Variants in SYNPO2 observed in about 807,000 individuals in gnomAD.
SYNPO2 encodes the protein synaptopodin-2.
A neutral mutation model predicts 85.0 loss-of-function variants in SYNPO2; 56 were observed. The ratio of observed to expected loss-of-function variants is 0.66; its 90% confidence interval spans 0.53 to 0.82. SYNPO2 has a LOEUF of 0.82. Among genes scored for constraint, SYNPO2 ranks in the 40% least tolerant of loss-of-function variants. The probability of loss-of-function intolerance (pLI) is 0.00; values close to 1 mark genes in which losing one functional copy is unlikely to be tolerated. For synonymous variants in SYNPO2, 602 were observed against 591.1 expected (o/e 1.02, Z -0.27); for missense variants, 1,575 against 1,534.2 (o/e 1.03, Z -0.44).
At chr4:118,956,998 T>G (rs979340314) in intron 1 of SYNPO2, among the ~76,000 whole-genome samples, 2 of 151,524 alleles carry the variant, frequency 1.3e-5, no homozygotes, top group Non-Finnish European at 2.9e-5. Context: ...TGAGCTGAGA[T>G]TGCACCAGTA....
upstream of SYNPO2, among the ~76,000 whole-genome samples, chr4:118,886,948 C>T (rs1346284528): frequency 1.3e-5 from 2 of 151,976 alleles, no homozygotes; most frequent in Non-Finnish European, 2.9e-5. Context: ...TTCATTGTAC[C>T]ACAGGTCCTT....
At chr4:118,982,369 C>G (rs1345468206) in intron 1 of SYNPO2, among the ~76,000 whole-genome samples, 1 of 152,148 alleles carries the variant, frequency 6.6e-6, no homozygotes, top group African/African-American at 2.4e-5. Context: ...TCTTCATAAC[C>G]CTCTCGGATG....
intron 1 of SYNPO2, among the ~76,000 whole-genome samples, chr4:118,957,787 G>A (rs1057278397): frequency 9.2e-5 from 14 of 152,158 alleles, no homozygotes; most frequent in Non-Finnish European, 1.5e-5. Flanking sequence ...AAATGACTCA[G>A]CGTGTCTGTT....
At chr4:118,889,217 G>C (rs1732285239) in intron 1 of SYNPO2, 76 bp downstream of exon 1, 1 of 1,325,116 alleles carries the variant, frequency 7.5e-7, no homozygotes. Context: ...GGTGTTTTCA[G>C]GTTCTGATGC....
chr4:118,946,867 T>C (rs1734522814), intron 1 of SYNPO2, among the ~76,000 whole-genome samples: 1 of 152,208 alleles, frequency 6.6e-6, no homozygotes, highest in Admixed American at 6.5e-5. Context: ...AAAGGTTTTT[T>C]CCCTGTAGAA....
intron 1 of SYNPO2, among the ~76,000 whole-genome samples, chr4:118,965,356 A>G (rs764858117): frequency 5.9e-5 from 9 of 151,840 alleles, no homozygotes; most frequent in Non-Finnish European, 1.2e-4. Flanking sequence ...CAATCTTCTC[A>G]TCCATCTCCC....
At chr4:119,005,479 T>G (rs1355558481) in intron 1 of SYNPO2, among the ~76,000 whole-genome samples, 2 of 145,646 alleles carry the variant, frequency 1.4e-5, no homozygotes, top group Non-Finnish European at 3.0e-5. Context: ...ATTTATTAAA[T>G]AGGGAATCCT....
chr4:118,958,186 C>T (rs528883692), intron 1 of SYNPO2, among the ~76,000 whole-genome samples: 4 of 152,124 alleles, frequency 2.6e-5, no homozygotes, highest in Admixed American at 2.0e-4. Context: ...TCTCACATCT[C>T]AAAAAATATG....
At chr4:118,957,825 G>C (rs904705649) in intron 1 of SYNPO2, among the ~76,000 whole-genome samples, 2 of 152,218 alleles carry the variant, frequency 1.3e-5, no homozygotes, top group Admixed American at 1.3e-4. Context: ...GATGGAGAGA[G>C]AGGGCCTTAG....
Position 119,031,393 on chromosome 4 carries a change from C to G in SYNPO2, c.2618C>G (p.Ala873Gly). 6.2e-7 allele frequency: 1 copy of G among 1,614,134 alleles called. No individual in the cohort carries two copies. The highest frequency in any genetic ancestry group is 8.5e-7 in the Non-Finnish European group (1 of 1,180,022). The part of the protein sequence containing the change: ...NELPGMSGRG[A>G]QLFAKRQSRM... ...CTTCCAGGAATGAGTGGGAGAGGAG[C>G]TCAGCTCTTTGCTAAAAGGCAGTCG... Residue 873 changes from alanine (A) to glycine (G), a missense_variant, in exon 4 of 5, where the codon GCT (alanine) becomes GGT (glycine). Transcript: ENST00000307142.
chr4:119,010,422 A>G (rs575337014), intron 1 of SYNPO2, among the ~76,000 whole-genome samples: 42 of 152,326 alleles, frequency 2.8e-4, no homozygotes, highest in Non-Finnish European at 4.1e-4. Context: ...TGACAAAACC[A>G]TCAGATACAG....
At chr4:119,011,920 CTTTTTTTT>C (rs548974684) in intron 1 of SYNPO2, among the ~76,000 whole-genome samples, 1 of 109,626 alleles carries the variant, frequency 9.1e-6, no homozygotes, top group African/African-American at 3.5e-5. Context: ...TTTCTATAGA[CTTTTTTTT>C]TTTTTTTTTT....
intron 3 of SYNPO2, 101 bp from the exon 4 acceptor site, chr4:119,029,744 A>T: frequency 7.7e-7 from 1 of 1,306,056 alleles, no homozygotes; most frequent in Non-Finnish European, 1.0e-6. Flanking sequence ...GCAATTTTTT[A>T]CATATTTATT....
At chr4:118,977,553 G>A (rs920973685) in intron 1 of SYNPO2, among the ~76,000 whole-genome samples, 1 of 152,232 alleles carries the variant, frequency 6.6e-6, no homozygotes, top group Non-Finnish European at 1.5e-5. Flanking sequence ...GCCCAGGCAG[G>A]GGAGGTGCCG....
intron 1 of SYNPO2, among the ~76,000 whole-genome samples, chr4:118,876,638 C>T (rs1463594990): frequency 1.3e-5 from 2 of 148,176 alleles, no homozygotes; most frequent in East Asian, 4.1e-4. Flanking sequence ...TTTCTTTCTT[C>T]CTTCCTTTCT....
In SYNPO2 at chr4:119,057,676, G is replaced by C; in HGVS notation, c.3528G>C (p.Trp1176Cys). 3 of 1,614,120 alleles carry C rather than the reference G, an allele frequency of 1.9e-6. No individual in the cohort carries two copies. The highest frequency in any genetic ancestry group is 2.5e-6 in the Non-Finnish European group (3 of 1,180,038). ...TGCTTCCAGGGCCTCCAGAGGATTGGAATGAAAGACTGTCCTATATTCCTC... is the reference window on the plus strand; with the variant it reads ...TGCTTCCAGGGCCTCCAGAGGATTGCAATGAAAGACTGTCCTATATTCCTC... The part of the protein sequence containing the change: ...RKVLPGPPED[W>C]NERLSYIPQT... The change falls in exon 5 of 5, where the codon TGG becomes TGC. Residue 1176 changes from tryptophan to cysteine, a missense_variant. Around this residue, in one of 3 missense-constraint regions of SYNPO2, gnomAD observed 1,508 missense variants for 1,446.8 expected, o/e 1.04. Coordinates refer to ENST00000307142, the MANE Select transcript of SYNPO2 (RefSeq NM_133477.3).
At position 119,058,464 on chromosome 4, in the gene SYNPO2, CTTTTTTTTTTTTTT is replaced by C. The variant is rs70944828; in HGVS notation, c.*543_*556del. On this transcript the variant is annotated 3_prime_UTR_variant, in exon 5 of 5. Coordinates refer to ENST00000307142, the MANE Select transcript of SYNPO2 (RefSeq NM_133477.3). Reference sequence around the variant, plus strand: ...CTTGGTGTTAAGTATTTCTCTGCAACTTTTTTTTTTTTTTTTTTTTTTTTTTGAGATGGAGTCTT... The same window carrying C: ...CTTGGTGTTAAGTATTTCTCTGCAACTTTTTTTTTTTTGAGATGGAGTCTT... 2.7e-5 allele frequency: 3 copies of C among 109,364 alleles called. No individual in the cohort carries two copies. Among genetic ancestry groups the C allele is most frequent in the African/African-American group, 6.6e-5 (2 of 30,382 alleles). The allele number at this position is 109,364 out of a possible 1,614,324, so 6.8% of individuals were successfully genotyped here. A position where few individuals can be genotyped will look rare whatever the true frequency, so the allele number is the denominator to read the frequency against.
intron 4 of SYNPO2, among the ~76,000 whole-genome samples, chr4:119,054,033 A>AT (rs1739132372): frequency 1.3e-5 from 2 of 152,084 alleles, no homozygotes; most frequent in South Asian, 2.1e-4. Flanking sequence ...TTGATGCAGG[A>AT]TTTTTTTTAG....
At chr4:119,046,414 C>T (rs527853551) in intron 4 of SYNPO2, among the ~76,000 whole-genome samples, 2 of 152,318 alleles carry the variant, frequency 1.3e-5, no homozygotes, top group Admixed American at 1.3e-4. Flanking sequence ...CAGCTGCCTG[C>T]ATTCTGATGA....
Sources: gnomAD v4.1 joint callset for allele counts (sites outside exome capture counted in the v4.1 genomes callset) on GRCh38, gnomAD v4.1.1 for gene constraint, gnomAD v4.1.1 regional missense constraint, MANE v1.5 for transcripts, NCBI Gene and HGNC (gene_info 2026-07-23, HGNC 2026-07-21) for gene names.